KCNB2: variants seen among roughly 807,000 people sequenced by gnomAD.
KCNB2 encodes the protein delayed rectifier potassium channel protein.
KCNB2 carries 15 observed loss-of-function variants against 61.5 expected under a neutral mutation model. The observed-to-expected ratio is 0.24, with a 90% confidence interval of 0.16 to 0.38. The LOEUF is 0.38. KCNB2 is among the 10% of genes least tolerant of loss of function. KCNB2 has a pLI of 1.00. For missense variants in KCNB2, 828 were observed against 1,125.2 expected (o/e 0.74, Z 3.78); for synonymous variants, 457 against 446.0 (o/e 1.02, Z -0.31).
chr8:72,837,475 G>T (rs1563399647), intron 2 of KCNB2, among the ~76,000 whole-genome samples: 2 of 152,116 alleles, frequency 1.3e-5, no homozygotes, highest in Non-Finnish European at 2.9e-5. Flanking sequence ...AGATAGACAG[G>T]CACCATCCTT....
intron 2 of KCNB2, among the ~76,000 whole-genome samples, chr8:72,640,916 G>T (rs1159455882): frequency 6.6e-6 from 1 of 152,024 alleles, no homozygotes; most frequent in Non-Finnish European, 1.5e-5. Flanking sequence ...AAAAGAAGTT[G>T]GTCTTCAGTG....
At chr8:72,726,177 T>G (rs1448881599) in intron 2 of KCNB2, among the ~76,000 whole-genome samples, 1 of 152,174 alleles carries the variant, frequency 6.6e-6, no homozygotes, top group Non-Finnish European at 1.5e-5. Flanking sequence ...GTTAGTCCCC[T>G]TGTAAGAAGA....
At chr8:72,930,157 C>T (rs190872370) in intron 2 of KCNB2, among the ~76,000 whole-genome samples, 3,131 of 152,026 alleles carry the variant, frequency 0.021, 103 homozygotes, top group African/African-American at 0.071. Context: ...GCATAGTATT[C>T]CATGGTGTAT....
At chr8:72,836,568 A>G (rs946009955) in intron 2 of KCNB2, among the ~76,000 whole-genome samples, 1 of 152,190 alleles carries the variant, frequency 6.6e-6, no homozygotes, top group African/African-American at 2.4e-5. Context: ...AGGTTGCTCC[A>G]TATTACTTTT....
intron 2 of KCNB2, among the ~76,000 whole-genome samples, chr8:72,629,240 C>G (rs921782581): frequency 6.6e-5 from 10 of 152,120 alleles, no homozygotes; most frequent in African/African-American, 2.4e-4. Flanking sequence ...GTCCTAGTAG[C>G]AGGAGGAATA....
chr8:72,882,762 C>T (rs1343856707), intron 2 of KCNB2, among the ~76,000 whole-genome samples: 1 of 152,006 alleles, frequency 6.6e-6, no homozygotes, highest in East Asian at 1.9e-4. Context: ...GAGAGGCTTG[C>T]TTCATGTTGC....
At chr8:72,558,863 C>G (rs76767218) in intron 1 of KCNB2, among the ~76,000 whole-genome samples, 1 of 151,936 alleles carries the variant, frequency 6.6e-6, no homozygotes, top group East Asian at 1.9e-4. Flanking sequence ...ATTATTGGAT[C>G]GTCAGGGAGG....
intron 2 of KCNB2, among the ~76,000 whole-genome samples, chr8:72,761,330 C>A (rs1020216133): frequency 2.6e-5 from 4 of 152,198 alleles, no homozygotes; most frequent in African/African-American, 9.6e-5. Flanking sequence ...CTCCCTCTCT[C>A]TTCTAGTCCT....
intron 2 of KCNB2, among the ~76,000 whole-genome samples, chr8:72,651,055 A>C (rs1373528843): frequency 6.6e-6 from 1 of 152,166 alleles, no homozygotes; most frequent in Non-Finnish European, 1.5e-5. Context: ...TGTGGGTTGC[A>C]TTGGAAAAAA....
intron 2 of KCNB2, among the ~76,000 whole-genome samples, chr8:72,620,203 T>G (rs1427896451): frequency 6.6e-6 from 1 of 152,240 alleles, no homozygotes; most frequent in Non-Finnish European, 1.5e-5. Flanking sequence ...TTCTGGTTAC[T>G]CTACAGGGAA....
At chr8:72,864,048 C>A (rs563188683) in intron 2 of KCNB2, among the ~76,000 whole-genome samples, 34 of 152,260 alleles carry the variant, frequency 2.2e-4, no homozygotes, top group Admixed American at 1.8e-3. Flanking sequence ...TGCACACTTA[C>A]CCACGTGACA....
intron 2 of KCNB2, among the ~76,000 whole-genome samples, chr8:72,658,327 A>C (rs777486100): frequency 6.6e-6 from 1 of 152,242 alleles, no homozygotes; most frequent in Non-Finnish European, 1.5e-5. Flanking sequence ...CAAACCAGCC[A>C]CAACATTTCC....
At chr8:72,912,271 A>G in intron 2 of KCNB2, among the ~76,000 whole-genome samples, 1 of 152,112 alleles carries the variant, frequency 6.6e-6, no homozygotes, top group Non-Finnish European at 1.5e-5. Flanking sequence ...TGGGGAGTGG[A>G]AAACCTCTCA....
intron 2 of KCNB2, among the ~76,000 whole-genome samples, chr8:72,784,658 G>A (rs777442994): frequency 1.4e-4 from 22 of 152,088 alleles, no homozygotes; most frequent in Admixed American, 3.3e-4. Context: ...TCACTATTAC[G>A]AGAACAGCAT....
At chr8:72,628,284 G>A (rs965831638) in intron 2 of KCNB2, among the ~76,000 whole-genome samples, 1 of 152,042 alleles carries the variant, frequency 6.6e-6, no homozygotes, top group Non-Finnish European at 1.5e-5. Flanking sequence ...CCATTTTTCT[G>A]ATGAGTCCTG....
intron 2 of KCNB2, among the ~76,000 whole-genome samples, chr8:72,827,713 A>G (rs1809618561): frequency 1.3e-5 from 2 of 152,234 alleles, no homozygotes; most frequent in Non-Finnish European, 2.9e-5. Flanking sequence ...CTACAACAAA[A>G]TATCTTTCTA....
intron 2 of KCNB2, among the ~76,000 whole-genome samples, chr8:72,850,139 T>C (rs1810069553): frequency 6.6e-6 from 1 of 152,002 alleles, no homozygotes; most frequent in South Asian, 2.1e-4. Flanking sequence ...TAATTAAAGG[T>C]ATTTAGGATT....
intron 2 of KCNB2, among the ~76,000 whole-genome samples, chr8:72,816,450 T>A (rs1398838928): frequency 6.6e-6 from 1 of 152,216 alleles, no homozygotes; most frequent in Non-Finnish European, 1.5e-5. Flanking sequence ...TTTGCCTGAT[T>A]TATGCAAACT....
At chr8:72,793,882 C>G (rs949379196) in intron 2 of KCNB2, among the ~76,000 whole-genome samples, 4 of 152,192 alleles carry the variant, frequency 2.6e-5, no homozygotes, top group Admixed American at 1.3e-4. Context: ...GTCATTTATT[C>G]ATCAGAGAGT....
Sources: gnomAD v4.1 joint callset for allele counts (sites outside exome capture counted in the v4.1 genomes callset) on GRCh38, gnomAD v4.1.1 for gene constraint, MANE v1.5 for transcripts, NCBI Gene and HGNC (gene_info 2026-07-23, HGNC 2026-07-21) for gene names.